Variants in SELP observed in about 807,000 individuals in gnomAD.
SELP encodes the protein selectin P.
In SELP, 92 loss-of-function variants were observed where a neutral mutation model predicts 104.1. The observed-to-expected ratio is 0.88, with a 90% confidence interval of 0.75 to 1.05. The LOEUF is 1.05. SELP is among the 50% of genes least tolerant of loss of function. SELP has a pLI of 0.00. For missense variants in SELP, 1,022 were observed against 1,017.3 expected (o/e 1.00, Z -0.06); for synonymous variants, 397 against 364.5 (o/e 1.09, Z -1.01).
In SELP at chr1:169,597,100, A is replaced by C; in HGVS notation, c.1782T>G (p.Val594=). The stretch of plus-strand genomic sequence containing the variant: ...CACAAGAGAAATGGCAGGTGGAGCC[A>C]ACATTGAATTCTCCACGAGTGTCAG... ...DCSDTRGEFN[V]GSTCHFSCDN... The change falls in exon 11 of 17, where the codon GTT becomes GTG. Residue 594 remains valine (V), a synonymous_variant. Coordinates refer to ENST00000263686, the MANE Select transcript of SELP (RefSeq NM_003005.4). 1.9e-6 allele frequency: 3 copies of C among 1,613,392 alleles called. No homozygotes were observed. Among genetic ancestry groups the C allele is most frequent in the Non-Finnish European group, 2.5e-6 (3 of 1,179,620 alleles).
intron 7 of SELP, among the ~76,000 whole-genome samples, chr1:169,610,165 T>C (rs2101899815): frequency 6.7e-6 from 1 of 149,726 alleles, no homozygotes; most frequent in East Asian, 1.9e-4. Context: ...TACAGGAAAA[T>C]GCTGGACTTA....
chr1:169,626,708 G>T (rs1663391458), intron 1 of SELP, among the ~76,000 whole-genome samples: 1 of 152,022 alleles, frequency 6.6e-6, no homozygotes, highest in Admixed American at 6.6e-5. Flanking sequence ...TTTTTGTGGG[G>T]CTGGGGGACA....
chr1:169,622,993 G>A (rs1403553826), intron 1 of SELP, among the ~76,000 whole-genome samples: 1 of 152,128 alleles, frequency 6.6e-6, no homozygotes, highest in Non-Finnish European at 1.5e-5. Context: ...TAATACACTG[G>A]AAAATCCAAT....
In SELP at chr1:169,619,347, C is replaced by T. The variant is rs993749322; in HGVS notation, c.4-128G>A. The T allele has an allele frequency of 1.8e-5, 12 of 662,276 alleles. No individual in the cohort carries two copies. In the South Asian group the frequency reaches 2.2e-4, roughly 12 times the overall value. The allele number at this position is 662,276 out of a possible 1,614,324, so 41.0% of individuals were successfully genotyped here. On this transcript the variant is annotated intron_variant, in intron 1 of 16. Coordinates refer to ENST00000263686, the MANE Select transcript of SELP (RefSeq NM_003005.4). ...ATTTCCACTGGAAGAGTGGTTCAAG[C>T]CCTCTGCTTCCTTCTTGCTTCTCAT...
chr1:169,611,745 G>A (rs1662548210), intron 6 of SELP, 68 bp from the exon 7 acceptor site: 1 of 1,467,500 alleles, frequency 6.8e-7, no homozygotes, highest in Non-Finnish European at 9.4e-7. Context: ...AGAGAGCAAT[G>A]GTGGAACCAC....
chr1:169,623,578 T>C (rs1225638141), intron 1 of SELP, among the ~76,000 whole-genome samples: 1 of 152,130 alleles, frequency 6.6e-6, no homozygotes, highest in African/African-American at 2.4e-5. Context: ...TTTTAAACAT[T>C]TGAAGGTTTT....
chr1:169,604,419 G>T (rs900276749), intron 9 of SELP, among the ~76,000 whole-genome samples: 1 of 151,990 alleles, frequency 6.6e-6, no homozygotes, highest in African/African-American at 2.4e-5. Context: ...CACTCTGATG[G>T]TAGTTTCTTT....
intron 7 of SELP, 109 bp from the exon 8 acceptor site, chr1:169,609,798 A>G: frequency 9.5e-7 from 1 of 1,048,862 alleles, no homozygotes; most frequent in Non-Finnish European, 1.3e-6. Context: ...CAGTGTGTTC[A>G]GAACCCTAAA....
At chr1:169,619,280 A>G in intron 1 of SELP, 61 bp from the exon 2 acceptor site, 1 of 1,181,830 alleles carries the variant, frequency 8.5e-7, no homozygotes, top group South Asian at 1.3e-5. Flanking sequence ...GGCCAAAAAT[A>G]ATTCTAGTTA....
At chr1:169,603,262 C>A in intron 9 of SELP, 51 bp from the exon 10 acceptor site, 1 of 1,511,036 alleles carries the variant, frequency 6.6e-7, no homozygotes, top group Non-Finnish European at 9.1e-7. Flanking sequence ...TATAATTCAG[C>A]AACCTGAACT....
rs1179082375 is a variant in SELP at position 169,595,922 on chromosome 1, T to G, written c.2101+3A>C. 1 of 1,612,918 alleles carries G rather than the reference T, an allele frequency of 6.2e-7. No homozygotes were observed. Among genetic ancestry groups the G allele is most frequent in the Non-Finnish European group, 8.5e-7 (1 of 1,179,564 alleles). Reference sequence around the variant, plus strand: ...CAGAACTGCCTGCTCCTTTTCACCTTACCTCTGCATGCTGGAGTTACTGCT... The same window carrying G: ...CAGAACTGCCTGCTCCTTTTCACCTGACCTCTGCATGCTGGAGTTACTGCT... On this transcript the variant is annotated splice_donor_region_variant and intron_variant, in intron 12 of 16. Transcript: ENST00000263686.
chr1:169,606,227 G>A (rs112674211), intron 9 of SELP, among the ~76,000 whole-genome samples: 38 of 152,334 alleles, frequency 2.5e-4, no homozygotes, highest in African/African-American at 8.2e-4. Flanking sequence ...TGAGACAGGA[G>A]AATTGCTTGA....
At chr1:169,615,143 C>T (rs545775960) in intron 3 of SELP, among the ~76,000 whole-genome samples, 9 of 152,152 alleles carry the variant, frequency 5.9e-5, no homozygotes, top group African/African-American at 1.7e-4. Flanking sequence ...AATCTTTTTT[C>T]GATAGCCTGC....
intron 15 of SELP, 43 bp from the exon 16 acceptor site, chr1:169,590,245 G>C: frequency 7.0e-7 from 1 of 1,427,222 alleles, no homozygotes. Flanking sequence ...ATACTGCTTA[G>C]TTCTCGACAA....
chr1:169,602,303 G>GC (rs1661947875), intron 10 of SELP, among the ~76,000 whole-genome samples: 1 of 152,184 alleles, frequency 6.6e-6, no homozygotes, highest in East Asian at 1.9e-4. Context: ...ACATAGTTAT[G>GC]CTAGGGTTAA....
intron 6 of SELP, 85 bp downstream of exon 6, chr1:169,612,132 C>T (rs1662570585): frequency 1.5e-6 from 2 of 1,368,454 alleles, no homozygotes; most frequent in South Asian, 2.7e-5. Context: ...AGGCCAGCTT[C>T]TCCATAAGCT....
chr1:169,620,540 G>A (rs933829051), intron 1 of SELP, among the ~76,000 whole-genome samples: 4 of 152,078 alleles, frequency 2.6e-5, no homozygotes, highest in African/African-American at 9.7e-5. Flanking sequence ...TAAAAACAGT[G>A]CATTTGCTAT....
intron 12 of SELP, among the ~76,000 whole-genome samples, chr1:169,595,093 G>A (rs1229438041): frequency 1.3e-5 from 2 of 152,144 alleles, no homozygotes; most frequent in Non-Finnish European, 2.9e-5. Flanking sequence ...AAGATGCAAA[G>A]ATGGACACAT....
Position 169,593,900 on chromosome 1 carries a change from C to T in SELP, c.2288-176G>A, listed in dbSNP as rs1395813333. On this transcript the variant is annotated intron_variant, in intron 13 of 16. Coordinates refer to ENST00000263686, the MANE Select transcript of SELP (RefSeq NM_003005.4). The stretch of plus-strand genomic sequence containing the variant: ...AGAAGATCTGGAATTCATAAATCCA[C>T]TGCAACAGAATGGGAAGTGGGGCCT... 3.3e-5 allele frequency among the ~76,000 whole-genome samples: 5 copies of T among 152,192 alleles called. No individual in the cohort carries two copies. In the East Asian group the frequency reaches 9.6e-4, roughly 29 times the overall value.
Sources: allele counts gnomAD v4.1 joint callset (sites outside exome capture counted in the v4.1 genomes callset), GRCh38; gene constraint gnomAD v4.1.1; transcripts MANE v1.5; gene names NCBI Gene and HGNC (gene_info 2026-07-23, HGNC 2026-07-21).